The following ZNF496 variants were observed in gnomAD, a reference collection of about 807,000 sequenced individuals.
ZNF496 encodes the protein NSD1 (nuclear receptor binding SET-domain containing 1)-interacting zinc finger protein 1.
A neutral mutation model predicts 58.9 loss-of-function variants in ZNF496; 11 were observed. That is an observed-to-expected ratio of 0.19 (90% CI 0.12 to 0.31). The LOEUF is 0.31. ZNF496 is among the 10% of genes least tolerant of loss of function. ZNF496 has a pLI of 1.00. For missense variants in ZNF496, 660 were observed against 783.0 expected (o/e 0.84, Z 1.88); for synonymous variants, 338 against 318.2 (o/e 1.06, Z -0.66).
At chr1:247,323,378 C>G in intron 5 of ZNF496, 148 bp from the exon 6 acceptor site, 1 of 575,252 alleles carries the variant, frequency 1.7e-6, no homozygotes, top group East Asian at 3.0e-5. Flanking sequence ...TTTCATGGTG[C>G]TTTTCATAAA....
At chr1:247,328,020 A>T (rs1175237290) in intron 5 of ZNF496, among the ~76,000 whole-genome samples, 1 of 152,248 alleles carries the variant, frequency 6.6e-6, no homozygotes, top group Non-Finnish European at 1.5e-5. Flanking sequence ...AAAAAAGGTA[A>T]TTACTATCTC....
In ZNF496 at chr1:247,308,380, A is replaced by G. The variant is rs1558438132; in HGVS notation, c.1006+95T>C. On this transcript the variant is annotated intron_variant, in intron 9 of 9. Coordinates refer to ENST00000682384, the MANE Select transcript of ZNF496 (RefSeq NM_032752.3). This position sits in a 1 kb window ranked among gnomAD's most constrained non-coding sequence, Gnocchi z 4.5. The stretch of plus-strand genomic sequence containing the variant: ...GTATGCACGCACACATGCATTCAAC[A>G]CAACCATCCCCTATGCCACACATGC... 4 of 1,159,312 alleles carry G rather than the reference A, an allele frequency of 3.5e-6. No individual in the cohort carries two copies. In the Admixed American group the frequency reaches 5.3e-5, roughly 15 times the overall value. The allele number at this position is 1,159,312 out of a possible 1,614,324, so 71.8% of individuals were successfully genotyped here.
Position 247,301,047 on chromosome 1 carries a change from C to G in ZNF496, c.1236G>C (p.Gly412=). ...SKKSYVCPNC[G]KIFRWRVNFI... ...AGTTGACCCTCCAGCGGAAGATTTT[C>G]CCACAGTTCGGACACACGTAGGACT... The change falls in exon 10 of 10, where the codon GGG becomes GGC. Residue 412 remains glycine (G), a synonymous_variant. Transcript: ENST00000682384. 6.2e-7 allele frequency: 1 copy of G among 1,613,734 alleles called. No individual in the cohort carries two copies.
Position 247,300,924 on chromosome 1 carries a change from G to A in ZNF496, c.1359C>T (p.His453=). The change falls in exon 10 of 10, where the codon CAC becomes CAT. Residue 453 remains histidine (H), a synonymous_variant. Coordinates refer to ENST00000682384, the MANE Select transcript of ZNF496 (RefSeq NM_032752.3). This position sits in a 1 kb window ranked among gnomAD's most constrained non-coding sequence, Gnocchi z 5.7. ...LFSDSEDLDG[H]LESHEAQKPY... ...GCTTCTGGGCCTCGTGGCTCTCTAG[G>A]TGCCCATCCAGGTCCTCGCTGTCGC... The A allele has an allele frequency of 2.5e-6, 4 of 1,613,664 alleles. No homozygotes were observed. The highest frequency in any genetic ancestry group is 3.4e-6 in the Non-Finnish European group (4 of 1,179,752).
At position 247,328,801 on chromosome 1, in the gene ZNF496, C is replaced by A; in HGVS notation, c.456G>T (p.Glu152Asp). The A allele has an allele frequency of 6.2e-7, 1 of 1,613,630 alleles. No homozygotes were observed. The highest frequency in any genetic ancestry group is 8.5e-7 in the Non-Finnish European group (1 of 1,179,816). ...DGDSPLDQEQEQLPVEPHSDL... is the reference protein window; with the variant it reads ...DGDSPLDQEQDQLPVEPHSDL... ...CGCTGTGGGGCTCTACCGGCAGCTG[C>A]TCCTGCTCCTGGTCCAGAGGGCTGT... The change falls in exon 5 of 10, where the codon GAG becomes GAT. Residue 152 changes from glutamate to aspartate, a missense_variant. Transcript: ENST00000682384.
intron 6 of ZNF496, chr1:247,313,375 G>C (rs1659668569): frequency 6.6e-6 from 1 of 152,256 alleles, no homozygotes; most frequent in Admixed American, 6.5e-5. Flanking sequence ...ACTACCCCAG[G>C]TCCAGGCGCC....
rs1402304489 is a variant in ZNF496, at chr1:247,329,225, C to T, written c.354G>A (p.Glu118=). ...ESGEQAVAAV[E]ALEREPGRPW... Reference sequence around the variant, plus strand: ...GTCTCCCGGGCTCCCGTTCCAGTGCCTCCACCGCGGCCACAGCCTGCTCTC... The same window carrying T: ...GTCTCCCGGGCTCCCGTTCCAGTGCTTCCACCGCGGCCACAGCCTGCTCTC... Residue 118 remains glutamate, a synonymous_variant, in exon 4 of 10, where the codon GAG becomes GAA. Transcript: ENST00000682384. This position sits in a 1 kb window ranked among gnomAD's most constrained non-coding sequence, Gnocchi z 5.5. 4 of 1,613,588 alleles carry T rather than the reference C, an allele frequency of 2.5e-6. No individual in the cohort carries two copies. The South Asian group carries it at 3.3e-5, about 13-fold the overall frequency.
chr1:247,301,287 G>T lies in ZNF496; in HGVS notation c.1007-11C>A. 6.6e-7 allele frequency: 1 copy of T among 1,506,938 alleles called. No individual in the cohort carries two copies. The allele number at this position is 1,506,938 out of a possible 1,614,324, so 93.3% of individuals were successfully genotyped here. A position where few individuals can be genotyped will look rare whatever the true frequency, so the allele number is the denominator to read the frequency against. On this transcript the variant is annotated splice_polypyrimidine_tract_variant and intron_variant, in intron 9 of 9. Transcript: ENST00000682384. Reference sequence around the variant, plus strand: ...GCGGGTTGCCGCCAGCTACAGGAAGGCAACATGCAGGTCAGCGACGCTGCA... The same window carrying T: ...GCGGGTTGCCGCCAGCTACAGGAAGTCAACATGCAGGTCAGCGACGCTGCA...
rs1435774613 is a variant in ZNF496 at position 247,329,052 on chromosome 1, G to A, written c.390+137C>T. On this transcript the variant is annotated intron_variant, in intron 4 of 9. Coordinates refer to ENST00000682384, the MANE Select transcript of ZNF496 (RefSeq NM_032752.3). The surrounding 1 kb of genome is among the most constrained non-coding windows in gnomAD (Gnocchi z 5.5). ...CAGGGAGTAAAACTGGCTTTCTTAG[G>A]AAACTCTAGTCTGGACCTAACCAAA... 4.3e-5 allele frequency: 63 copies of A among 1,468,546 alleles called. No individual in the cohort carries two copies. Among genetic ancestry groups the A allele is most frequent in the Non-Finnish European group, 5.3e-5 (57 of 1,080,898 alleles). The allele number at this position is 1,468,546 out of a possible 1,614,324, so 91.0% of individuals were successfully genotyped here.
In ZNF496 at chr1:247,298,821, C is replaced by T. The variant is rs934771796; in HGVS notation, c.*1698G>A. ...CATAACCAGTCTTCCAGGAACAATA[C>T]CATGTTTTAAATTGCTTGAGGTTTC... On this transcript the variant is annotated 3_prime_UTR_variant, in exon 10 of 10. Transcript: ENST00000682384. 6.6e-6 allele frequency: 1 copy of T among 152,240 alleles called. No individual in the cohort carries two copies. 9.4% of individuals were successfully genotyped at this position (152,240 alleles called of 1,614,324 possible). A position where few individuals can be genotyped will look rare whatever the true frequency, so the allele number is the denominator to read the frequency against.
chr1:247,305,512 C>A (rs770912742), intron 9 of ZNF496, among the ~76,000 whole-genome samples: 1 of 152,130 alleles, frequency 6.6e-6, no homozygotes, highest in Non-Finnish European at 1.5e-5. Context: ...TTGTTGCAGG[C>A]GGAGTGGCAA....
chr1:247,323,042 A>C, intron 6 of ZNF496, 112 bp downstream of exon 6: 5 of 896,906 alleles, frequency 5.6e-6, no homozygotes, highest in Non-Finnish European at 5.2e-6. Flanking sequence ...CTGGGCTGGG[A>C]CTGAACATCC....
intron 9 of ZNF496, chr1:247,304,152 C>T (rs1229023848): frequency 3.1e-6 from 1 of 318,916 alleles, no homozygotes; most frequent in African/African-American, 2.2e-5. Flanking sequence ...TGAATATGTA[C>T]TATCCTTCAA....
intron 6 of ZNF496, among the ~76,000 whole-genome samples, chr1:247,320,115 C>T (rs140797967): frequency 2.6e-5 from 4 of 152,140 alleles, no homozygotes; most frequent in Admixed American, 2.0e-4. Flanking sequence ...TACTTACCAA[C>T]GATTGCATAC....
In ZNF496 at chr1:247,298,567, G is replaced by A. The variant is rs953237174; in HGVS notation, c.*1952C>T. 6.6e-6 allele frequency: 1 copy of A among 152,266 alleles called. No individual in the cohort carries two copies. Among genetic ancestry groups the A allele is most frequent in the African/African-American group, 2.4e-5 (1 of 41,446 alleles). 9.4% of individuals were successfully genotyped at this position (152,266 alleles called of 1,614,324 possible). A position where few individuals can be genotyped will look rare whatever the true frequency, so the allele number is the denominator to read the frequency against. On this transcript the variant is annotated 3_prime_UTR_variant, in exon 10 of 10. Transcript: ENST00000682384. ...CTGAGCTAGGCAATCCACCCACCTT[G>A]GTTTCCCAAAGTGCTAGGATTACAG...
chr1:247,302,692 C>T (rs984052446), intron 9 of ZNF496, among the ~76,000 whole-genome samples: 1 of 152,014 alleles, frequency 6.6e-6, no homozygotes, highest in South Asian at 2.1e-4. Context: ...GCTGCAGGAA[C>T]CTCGTTCCAG....
At position 247,329,305 on chromosome 1, in the gene ZNF496, C is replaced by A; in HGVS notation, c.274G>T (p.Ala92Ser). The A allele has an allele frequency of 6.2e-7, 1 of 1,613,652 alleles. No homozygotes were observed. The change falls in exon 4 of 10, where the codon GCC becomes TCC. Residue 92 changes from alanine to serine, a missense_variant. Transcript: ENST00000682384. The surrounding 1 kb of genome is among the most constrained non-coding windows in gnomAD (Gnocchi z 5.5). ...CTCTGGATCTCCCGGGGCAGGATGG[C>A]CAGGAACTGCTCCAGCACCAGCAGC... is the stretch of plus-strand genomic sequence containing the variant. ...LELLVLEQFL[A>S]ILPREIQSWV...
At chr1:247,302,470 G>GTA (rs1180926422) in intron 9 of ZNF496, among the ~76,000 whole-genome samples, 2 of 151,868 alleles carry the variant, frequency 1.3e-5, no homozygotes, top group Non-Finnish European at 2.9e-5. Context: ...GACAGAGATT[G>GTA]TGTTTGTGTG....
chr1:247,314,192 G>C (rs1255571028), intron 6 of ZNF496, among the ~76,000 whole-genome samples: 2 of 152,056 alleles, frequency 1.3e-5, no homozygotes, highest in African/African-American at 4.8e-5. Context: ...CCAAGTAGCT[G>C]GGACTACAGG....
Sources: allele counts gnomAD v4.1 joint callset (sites outside exome capture counted in the v4.1 genomes callset), GRCh38; gene constraint gnomAD v4.1.1; non-coding constraint Gnocchi (gnomAD v3.1); transcripts MANE v1.5; gene names NCBI Gene and HGNC (gene_info 2026-07-23, HGNC 2026-07-21).